BTAF1: variants seen among roughly 807,000 people sequenced by gnomAD.
BTAF1 encodes TATA-binding protein-associated factor 172.
Under a neutral mutation model 227.1 loss-of-function variants are expected in BTAF1, and 38 were observed. That is an observed-to-expected ratio of 0.17 (90% CI 0.13 to 0.22). BTAF1 has a LOEUF of 0.22. BTAF1 is among the 10% of genes least tolerant of loss of function. The probability of loss-of-function intolerance (pLI) is 1.00; values close to 1 mark genes in which losing one functional copy is unlikely to be tolerated. For missense variants in BTAF1, 1,598 were observed against 2,204.0 expected, an observed-to-expected ratio of 0.73 and a Z score of 5.51; for synonymous variants, 742 against 751.9, an observed-to-expected ratio of 0.99 and a Z score of 0.21.
rs1848835974 is a variant in BTAF1 at position 91,992,164 on chromosome 10, A to C, written c.2900A>C (p.His967Pro). ...KDGMHHTVTK[H>P]RGIITLYRHQ... ...GGAATGCACCATACTGTCACCAAGC[A>C]CAGAGGTATAATTACACTCTACAGG... is the stretch of plus-strand genomic sequence containing the variant. Residue 967 changes from histidine to proline, a missense_variant, in exon 21 of 38, where the codon CAC becomes CCC. Around this residue, in one of 10 missense-constraint regions of BTAF1, gnomAD observed 425 missense variants for 491.2 expected, o/e 0.87. Transcript: ENST00000265990. 2 of 1,611,854 alleles carry C rather than the reference A, an allele frequency of 1.2e-6. No homozygotes were observed. Among genetic ancestry groups the C allele is most frequent in the East Asian group, 4.5e-5 (2 of 44,850 alleles).
In BTAF1 at chr10:91,928,104, G is replaced by A. The variant is rs1008588892; in HGVS notation, c.14+4014G>A. Among the ~76,000 whole-genome samples, 3 of 134,726 alleles carry A rather than the reference G, an allele frequency of 2.2e-5. No homozygotes were observed. In the East Asian group the frequency reaches 7.3e-4, roughly 33 times the overall value. The allele number at this position is 134,726 out of a possible 152,430, so 88.4% of individuals were successfully genotyped here. On this transcript the variant is annotated intron_variant, in intron 1 of 37. Transcript: ENST00000265990. ...TTTTAAAGCTATCTCCTATAGGAAG[G>A]CAATTAGAATAATTTTTGAAGTTTA...
intron 6 of BTAF1, among the ~76,000 whole-genome samples, chr10:91,955,591 A>T (rs1372253030): frequency 6.6e-6 from 1 of 152,192 alleles, no homozygotes. Flanking sequence ...GTGACTTTTG[A>T]GTAACAATCT....
chr10:91,929,554 A>T (rs1471090915), intron 1 of BTAF1, among the ~76,000 whole-genome samples: 1 of 152,218 alleles, frequency 6.6e-6, no homozygotes, highest in African/African-American at 2.4e-5. Flanking sequence ...CTTCAGAGCA[A>T]CATTGTTTCA....
intron 28 of BTAF1, 103 bp downstream of exon 28, chr10:92,009,311 G>T (rs1850144684): frequency 8.1e-7 from 1 of 1,229,676 alleles, no homozygotes; most frequent in Non-Finnish European, 1.1e-6. Context: ...TCTTTTGGTT[G>T]TATGACATAG....
chr10:91,996,242 G>C, intron 23 of BTAF1, 127 bp from the exon 24 acceptor site: 1 of 724,058 alleles, frequency 1.4e-6, no homozygotes, highest in Non-Finnish European at 2.2e-6. Flanking sequence ...GTAATGTTTT[G>C]AAGTATTTGG....
chr10:91,932,268 G>C (rs886404087), intron 1 of BTAF1, among the ~76,000 whole-genome samples: 2 of 152,138 alleles, frequency 1.3e-5, no homozygotes, highest in Non-Finnish European at 2.9e-5. Flanking sequence ...TGCTATTTGG[G>C]ACAAGCGTAA....
intron 13 of BTAF1, among the ~76,000 whole-genome samples, chr10:91,965,891 C>A (rs1846875956): frequency 6.6e-6 from 1 of 152,140 alleles, no homozygotes; most frequent in Non-Finnish European, 1.5e-5. Flanking sequence ...GGAGGAACCA[C>A]AAAAGACCAA....
In BTAF1 at chr10:91,962,006, T is replaced by G. The variant is rs147516697; in HGVS notation, c.1264-532T>G. On this transcript the variant is annotated intron_variant, in intron 11 of 37. Transcript: ENST00000265990. ...CATGTTTTGATGTTTTATGTCTCAT[T>G]GAATAAAGTACTTGATGCCCTTGTC... is the stretch of plus-strand genomic sequence containing the variant. Among the ~76,000 whole-genome samples the G allele has an allele frequency of 2.0e-5, 3 of 152,320 alleles. No individual in the cohort carries two copies. The East Asian group carries it at 5.8e-4, about 29-fold the overall frequency.
In BTAF1 at chr10:91,956,615, C is replaced by G. The variant is rs1846104402; in HGVS notation, c.789C>G (p.Val263=). Residue 263 remains valine (V), a synonymous_variant, in exon 7 of 38, where the codon GTC becomes GTG. Transcript: ENST00000265990. ...ATCAGTCTGCAAATGATTCCAAAGT[C>G]TTGATTGATAATATTCCAGACAGCT... The part of the protein sequence containing the change: ...VINQSANDSK[V]LIDNIPDSSS... 6.2e-7 allele frequency: 1 copy of G among 1,609,490 alleles called. No individual in the cohort carries two copies. Among genetic ancestry groups the G allele is most frequent in the Non-Finnish European group, 8.5e-7 (1 of 1,178,546 alleles).
intron 19 of BTAF1, among the ~76,000 whole-genome samples, chr10:91,985,118 C>G (rs1473583339): frequency 6.6e-6 from 1 of 151,986 alleles, no homozygotes; most frequent in African/African-American, 2.4e-5. Context: ...AGAACATTAT[C>G]ATCACCACTT....
At position 91,994,649 on chromosome 10, in the gene BTAF1, C is replaced by G; in HGVS notation, c.3309+5C>G. On this transcript the variant is annotated splice_donor_5th_base_variant and intron_variant, in intron 23 of 37. Coordinates refer to ENST00000265990, the MANE Select transcript of BTAF1 (RefSeq NM_003972.3). ...GATTCTGAGCTTCATCCCTTGGTAA[C>G]TAACTAATGCAAGTGTAATATTTCT... 5.0e-6 allele frequency: 8 copies of G among 1,596,686 alleles called. No homozygotes were observed. The highest frequency in any genetic ancestry group is 6.9e-6 in the Non-Finnish European group (8 of 1,165,270).
chr10:92,029,059 A>G lies in BTAF1; in HGVS notation c.*126A>G. ...AATAGATCTGGAGAATATTCAGCAT[A>G]ATGCTGGCTCTTGTTTCACTGGGGG... is the stretch of plus-strand genomic sequence containing the variant. On this transcript the variant is annotated 3_prime_UTR_variant, in exon 38 of 38. Coordinates refer to ENST00000265990, the MANE Select transcript of BTAF1 (RefSeq NM_003972.3). The G allele has an allele frequency of 1.2e-6, 1 of 827,524 alleles. No homozygotes were observed. Among genetic ancestry groups the G allele is most frequent in the Non-Finnish European group, 1.8e-6 (1 of 562,278 alleles). 51.3% of individuals were successfully genotyped at this position (827,524 alleles called of 1,614,324 possible). A position where few individuals can be genotyped will look rare whatever the true frequency, so the allele number is the denominator to read the frequency against.
At position 92,013,828 on chromosome 10, in the gene BTAF1, A is replaced by G. The variant is rs753157834; in HGVS notation, c.4453+20A>G. 1.8e-5 allele frequency: 29 copies of G among 1,613,742 alleles called. No individual in the cohort carries two copies. The Admixed American group carries it at 4.8e-4, about 27-fold the overall frequency. On this transcript the variant is annotated intron_variant, in intron 31 of 37. Coordinates refer to ENST00000265990, the MANE Select transcript of BTAF1 (RefSeq NM_003972.3). ...AAGCAGGTATGAAAGAGATATAATTATAACCCTGTGTAAGTGAATATAATT... is the reference window on the plus strand; with the variant it reads ...AAGCAGGTATGAAAGAGATATAATTGTAACCCTGTGTAAGTGAATATAATT...
intron 20 of BTAF1, 107 bp downstream of exon 20, chr10:91,989,687 T>C (rs1214629148): frequency 7.1e-6 from 8 of 1,121,722 alleles, no homozygotes; most frequent in South Asian, 6.8e-5. Flanking sequence ...TTAGTGTTTT[T>C]TCCCATTCTG....
chr10:91,950,841 T>C (rs1845724620), intron 4 of BTAF1, among the ~76,000 whole-genome samples: 1 of 150,976 alleles, frequency 6.6e-6, no homozygotes, highest in Non-Finnish European at 1.5e-5. Context: ...TATTTTTTTT[T>C]TTTTTTTTTG....
chr10:91,941,939 A>G (rs1044342855), intron 3 of BTAF1, among the ~76,000 whole-genome samples: 7 of 152,182 alleles, frequency 4.6e-5, no homozygotes, highest in Non-Finnish European at 8.8e-5. Context: ...CTGATCATAA[A>G]CCCACAGTAG....
chr10:92,026,884 A>C (rs1851552635), intron 36 of BTAF1, 133 bp downstream of exon 36: 3 of 1,056,974 alleles, frequency 2.8e-6, no homozygotes, highest in African/African-American at 3.2e-5. Context: ...CAGATCACTT[A>C]ACTCTTCTGT....
chr10:91,959,318 G>A lies in BTAF1; in HGVS notation c.990+164G>A, dbSNP rs1246596151. On this transcript the variant is annotated intron_variant, in intron 9 of 37. Transcript: ENST00000265990. The stretch of plus-strand genomic sequence containing the variant: ...TACAATGGATTGAAAAGTAGAGTAA[G>A]ATGAATAAGAGGCTAGTTGAGAGGT... 7.1e-6 allele frequency: 10 copies of A among 1,400,260 alleles called. No homozygotes were observed. The East Asian group carries it at 1.3e-4, about 18-fold the overall frequency. 86.7% of individuals were successfully genotyped at this position (1,400,260 alleles called of 1,614,324 possible).
chr10:92,001,946 C>CAA (rs10561232), intron 25 of BTAF1, among the ~76,000 whole-genome samples: 6 of 84,908 alleles, frequency 7.1e-5, no homozygotes, highest in South Asian at 5.1e-4. Flanking sequence ...AACCCTGTCT[C>CAA]AAAAAAAAAA....
Sources: gnomAD v4.1 joint callset for allele counts (sites outside exome capture counted in the v4.1 genomes callset) on GRCh38, gnomAD v4.1.1 for gene constraint, gnomAD v4.1.1 regional missense constraint, MANE v1.5 for transcripts, NCBI Gene and HGNC (gene_info 2026-07-23, HGNC 2026-07-21) for gene names.